ABHD12B: variants seen among roughly 807,000 people sequenced by gnomAD.
The protein encoded by ABHD12B is protein ABHD12B.
A neutral mutation model predicts 50.4 loss-of-function variants in ABHD12B; 42 were observed. The ratio of observed to expected loss-of-function variants is 0.83; its 90% confidence interval spans 0.65 to 1.08. ABHD12B has a LOEUF of 1.08. ABHD12B is among the 50% of genes least tolerant of loss of function. The pLI, the probability that ABHD12B is intolerant of heterozygous loss-of-function variation, is 0.00. For missense variants in ABHD12B, 479 were observed against 447.7 expected (o/e 1.07, Z -0.63); for synonymous variants, 167 against 160.3 (o/e 1.04, Z -0.32).
intron 3 of ABHD12B, among the ~76,000 whole-genome samples, chr14:50,880,247 CT>C (rs2049920669): frequency 6.6e-6 from 1 of 151,954 alleles, no homozygotes; most frequent in African/African-American, 2.4e-5. Flanking sequence ...GGCATTGTCT[CT>C]GTGCATGGGG....
chr14:50,881,684 G>A, intron 5 of ABHD12B, 58 bp downstream of exon 5: 1 of 1,600,766 alleles, frequency 6.2e-7, no homozygotes, highest in South Asian at 1.1e-5. Context: ...TATGTCATAA[G>A]ATTTTCCTCA....
rs1269577630 is a variant in ABHD12B at position 50,886,883 on chromosome 14, TA to T, written c.700+204del. On this transcript the variant is annotated intron_variant, in intron 8 of 12. Coordinates refer to ENST00000337334, the MANE Select transcript of ABHD12B (RefSeq NM_001206673.2). Reference sequence around the variant, plus strand: ...GAGCTGTTTTTTCAGATTCTGCAGTTAAAAATAAATATGAAGGAACAAGTTA... The same window carrying T: ...GAGCTGTTTTTTCAGATTCTGCAGTTAAAATAAATATGAAGGAACAAGTTA... Among the ~76,000 whole-genome samples, 15 of 152,264 alleles carry T rather than the reference TA, an allele frequency of 9.9e-5. 1 individual carries two copies. The East Asian group carries it at 2.9e-3, about 29-fold the overall frequency.
At chr14:50,890,880 C>T (rs909463070) in intron 9 of ABHD12B, among the ~76,000 whole-genome samples, 1 of 152,142 alleles carries the variant, frequency 6.6e-6, no homozygotes, top group African/African-American at 2.4e-5. Flanking sequence ...TTAATCATTA[C>T]AGTGCAAGTT....
At chr14:50,895,875 A>G (rs2050192194) in intron 9 of ABHD12B, among the ~76,000 whole-genome samples, 1 of 152,252 alleles carries the variant, frequency 6.6e-6, no homozygotes, top group African/African-American at 2.4e-5. Flanking sequence ...GTGCCAACTT[A>G]GACAATACTC....
intron 1 of ABHD12B, among the ~76,000 whole-genome samples, chr14:50,877,331 G>C (rs1032390408): frequency 6.6e-6 from 1 of 152,184 alleles, no homozygotes; most frequent in African/African-American, 2.4e-5. Context: ...ATTAAAAACT[G>C]CAGCAACTGT....
At position 50,880,514 on chromosome 14, in the gene ABHD12B, C is replaced by T. The variant is rs139997584; in HGVS notation, c.398C>T (p.Ala133Val). The T allele has an allele frequency of 2.3e-5, 37 of 1,609,420 alleles. 1 individual carries two copies. In the South Asian group the frequency reaches 3.4e-4, roughly 15 times the overall value. Residue 133 changes from alanine (A) to valine (V), a missense_variant, in exon 4 of 13, where the codon GCA becomes GTA. Coordinates refer to ENST00000337334, the MANE Select transcript of ABHD12B (RefSeq NM_001206673.2). ...GGGAAGGACTGTTGCTGGTATGAAG[C>T]AGCCCTTCGTGATGGGAACCCAATT... ...AKGKDCCWYE[A>V]ALRDGNPIIV...
intron 9 of ABHD12B, among the ~76,000 whole-genome samples, chr14:50,900,555 G>A (rs955521637): frequency 6.6e-6 from 1 of 152,220 alleles, no homozygotes; most frequent in Non-Finnish European, 1.5e-5. Context: ...TAATGTGATG[G>A]AGAATGACTG....
At chr14:50,881,328 G>A (rs1047123096) in intron 4 of ABHD12B, among the ~76,000 whole-genome samples, 2 of 152,062 alleles carry the variant, frequency 1.3e-5, no homozygotes, top group African/African-American at 4.8e-5. Flanking sequence ...TCTTTTTCTG[G>A]CAGGTGACTC....
chr14:50,900,076 A>G (rs528386754), intron 9 of ABHD12B, among the ~76,000 whole-genome samples: 1 of 151,768 alleles, frequency 6.6e-6, no homozygotes, highest in South Asian at 2.1e-4. Context: ...CCTTCTGTAC[A>G]AAAAAATTAG....
At chr14:50,887,860 A>G (rs1208355695) in intron 8 of ABHD12B, among the ~76,000 whole-genome samples, 1 of 152,144 alleles carries the variant, frequency 6.6e-6, no homozygotes, top group East Asian at 1.9e-4. Context: ...TTTTTGTCAG[A>G]TCCTGAACTC....
chr14:50,899,963 C>G lies in ABHD12B; in HGVS notation c.781-1866C>G, dbSNP rs961507030. 3.3e-5 allele frequency among the ~76,000 whole-genome samples: 5 copies of G among 151,580 alleles called. No individual in the cohort carries two copies. The South Asian group carries it at 1.0e-3, about 32-fold the overall frequency. ...AAAAAAAATTTAAATCTGGGCCAGG[C>G]ACTGTGGCTCATGCCTGTAATCCCA... is the stretch of plus-strand genomic sequence containing the variant. On this transcript the variant is annotated intron_variant, in intron 9 of 12. Coordinates refer to ENST00000337334, the MANE Select transcript of ABHD12B (RefSeq NM_001206673.2).
At chr14:50,880,847 G>A (rs763124818) in intron 4 of ABHD12B, among the ~76,000 whole-genome samples, 1 of 152,156 alleles carries the variant, frequency 6.6e-6, no homozygotes. Context: ...CTTTGCTCCC[G>A]AAGAGTGTCT....
chr14:50,899,935 GA>G (rs769991621), intron 9 of ABHD12B, among the ~76,000 whole-genome samples: 29 of 145,138 alleles, frequency 2.0e-4, no homozygotes, highest in Middle Eastern at 3.6e-3. Flanking sequence ...AAAAAAAAAA[GA>G]AAAAAAAAAT....
intron 10 of ABHD12B, 151 bp downstream of exon 10, chr14:50,902,062 A>G (rs2050266243): frequency 3.7e-6 from 2 of 541,756 alleles, no homozygotes; most frequent in Non-Finnish European, 6.4e-6. Context: ...ATGGGCACTA[A>G]GATTTGGGTA....
chr14:50,885,937 G>T (rs749357890), intron 7 of ABHD12B, 42 bp downstream of exon 7: 5 of 1,610,432 alleles, frequency 3.1e-6, no homozygotes, highest in Non-Finnish European at 4.2e-6. Flanking sequence ...AGGTCCTTGA[G>T]GCTTTAGTGT....
At position 50,901,864 on chromosome 14, in the gene ABHD12B, T is replaced by TA. The variant is rs749053241; in HGVS notation, c.817dup (p.Met273AsnfsTer13). ...ACATTCCAGGATTTTTACGTACACT[T>TA]ATGGATGCCCTGAGAAAAGACAAAA... is the stretch of plus-strand genomic sequence containing the variant. On this transcript the variant is annotated frameshift_variant, in exon 10 of 13. Transcript: ENST00000337334. LOFTEE classifies it high-confidence loss of function. 1.8e-4 allele frequency: 289 copies of TA among 1,594,482 alleles called. No individual in the cohort carries two copies. The highest frequency in any genetic ancestry group is 2.3e-4 in the Non-Finnish European group (276 of 1,174,898).
chr14:50,881,768 A>G (rs2049952487), intron 5 of ABHD12B, 142 bp downstream of exon 5: 11 of 922,830 alleles, frequency 1.2e-5, no homozygotes, highest in Non-Finnish European at 1.5e-5. Flanking sequence ...CTGGGGCTCA[A>G]AGTCCCACCG....
chr14:50,899,310 A>G (rs559650370), intron 9 of ABHD12B, among the ~76,000 whole-genome samples: 1 of 152,358 alleles, frequency 6.6e-6, no homozygotes, highest in Admixed American at 6.5e-5. Flanking sequence ...CCTATTTTAT[A>G]CCCATTTCCT....
At chr14:50,892,756 A>G (rs1186684629) in intron 9 of ABHD12B, 1 of 297,204 alleles carries the variant, frequency 3.4e-6, no homozygotes, top group Non-Finnish European at 5.0e-6. Context: ...TATTTTTACT[A>G]TTTTTTTCTA....
Sources: gnomAD v4.1 joint callset for allele counts (sites outside exome capture counted in the v4.1 genomes callset) on GRCh38, gnomAD v4.1.1 for gene constraint, MANE v1.5 for transcripts, NCBI Gene and HGNC (gene_info 2026-07-23, HGNC 2026-07-21) for gene names.